Variants in NPY2R observed in about 807,000 individuals in gnomAD.
NPY2R encodes the protein neuropeptide Y receptor Y2.
NPY2R carries 17 observed loss-of-function variants against 22.3 expected under a neutral mutation model. The ratio of observed to expected loss-of-function variants is 0.76; its 90% confidence interval spans 0.52 to 1.14. NPY2R has a LOEUF of 1.14. NPY2R is among the 50% of genes most tolerant of loss of function. The pLI is 0.00. For synonymous variants in NPY2R, 209 were observed against 183.4 expected (o/e 1.14, Z -1.13); for missense variants, 424 against 467.9 (o/e 0.91, Z 0.87).
chr4:155,188,958 A>T, the NPY2R span, among the ~76,000 whole-genome samples: 2 of 152,144 alleles, frequency 1.3e-5, no homozygotes, highest in South Asian at 4.1e-4. Flanking sequence ...TAAATAACTA[A>T]TAAGAGAACT....
upstream of NPY2R, among the ~76,000 whole-genome samples, chr4:155,205,081 T>A (rs982004319): frequency 5.3e-5 from 8 of 152,348 alleles, no homozygotes; most frequent in African/African-American, 1.9e-4. Flanking sequence ...CAAACTGTGC[T>A]GTTCAAGGGT....
chr4:155,185,923 C>G, the NPY2R span, among the ~76,000 whole-genome samples: 1 of 151,622 alleles, frequency 6.6e-6, no homozygotes. Flanking sequence ...TGTCAGTAAT[C>G]AAGGACATGA....
intron 1 of NPY2R, among the ~76,000 whole-genome samples, chr4:155,213,177 G>A (rs539784400): frequency 2.6e-5 from 4 of 152,172 alleles, no homozygotes; most frequent in African/African-American, 9.6e-5. Flanking sequence ...TACATATTGG[G>A]TACAAGGTAC....
the NPY2R span, among the ~76,000 whole-genome samples, chr4:155,174,484 A>ATATATT: frequency 3.2e-4 from 34 of 106,070 alleles, no homozygotes; most frequent in South Asian, 1.3e-3. Context: ...ATATATATAT[A>ATATATT]TTTTTTTTTT....
At chr4:155,201,036 A>C in the NPY2R span, among the ~76,000 whole-genome samples, 1 of 136,562 alleles carries the variant, frequency 7.3e-6, no homozygotes, top group Admixed American at 7.4e-5. Context: ...AAAATAAAAT[A>C]AAATATAAAA....
chr4:155,215,128 G>C lies in NPY2R; in HGVS notation c.*43G>C, dbSNP rs897248611. On this transcript the variant is annotated 3_prime_UTR_variant, in exon 2 of 2. Coordinates refer to ENST00000329476, the MANE Select transcript of NPY2R (RefSeq NM_000910.4). ...AATGTATGGATGAATTCTGACCAGAGCTATGAATCTGGTTGATGGCGGCTC... is the reference window on the plus strand; with the variant it reads ...AATGTATGGATGAATTCTGACCAGACCTATGAATCTGGTTGATGGCGGCTC... 6 of 1,543,120 alleles carry C rather than the reference G, an allele frequency of 3.9e-6. No individual in the cohort carries two copies. The African/African-American group carries it at 6.8e-5, about 17-fold the overall frequency.
the NPY2R span, among the ~76,000 whole-genome samples, chr4:155,177,315 G>A: frequency 6.6e-6 from 1 of 152,138 alleles, no homozygotes; most frequent in East Asian, 1.9e-4. Context: ...AATACAAATA[G>A]CTAGGCAGAA....
Position 155,214,995 on chromosome 4 carries a change from G to A in NPY2R, c.1056G>A (p.Glu352=), listed in dbSNP as rs1436279301. ...CEQRLDAIHS[E]VSVTFKAKKN... The stretch of plus-strand genomic sequence containing the variant: ...AGCGGTTGGATGCCATTCACTCTGA[G>A]GTGTCCGTGACATTCAAGGCTAAAA... Residue 352 remains glutamate (E), a synonymous_variant, in exon 2 of 2, where the codon GAG becomes GAA. Transcript: ENST00000329476. The A allele has an allele frequency of 6.2e-7, 1 of 1,614,056 alleles. No homozygotes were observed. Among genetic ancestry groups the A allele is most frequent in the African/African-American group, 1.3e-5 (1 of 74,934 alleles).
At position 155,214,219 on chromosome 4, in the gene NPY2R, G is replaced by T; in HGVS notation, c.280G>T (p.Val94Leu). The T allele has an allele frequency of 6.2e-7, 1 of 1,614,126 alleles. No homozygotes were observed. The highest frequency in any genetic ancestry group is 8.5e-7 in the Non-Finnish European group (1 of 1,179,970). The change falls in exon 2 of 2, where the codon GTG becomes TTG. Residue 94 changes from valine (V) to leucine (L), a missense_variant. Val to Leu is a conservative substitution (Grantham distance 32). Coordinates refer to ENST00000329476, the MANE Select transcript of NPY2R (RefSeq NM_000910.4). ...CAACTTTTTCATTGCCAATCTGGCT[G>T]TGGCAGATCTTTTGGTGAACACTCT... is the stretch of plus-strand genomic sequence containing the variant. ...VTNFFIANLA[V>L]ADLLVNTLCL... is the part of the protein sequence containing the mutation.
the NPY2R span, among the ~76,000 whole-genome samples, chr4:155,185,570 A>T: frequency 6.6e-6 from 1 of 152,168 alleles, no homozygotes; most frequent in African/African-American, 2.4e-5. Context: ...GCATAAAAAA[A>T]CTAGTTATTT....
Position 155,214,028 on chromosome 4 carries a change from G to A in NPY2R, c.89G>A (p.Gly30Asp). ...EQYGPQTTPRGELVPDPEPEL... is the reference protein window; with the variant it reads ...EQYGPQTTPRDELVPDPEPEL... The stretch of plus-strand genomic sequence containing the variant: ...TACGGGCCACAAACAACTCCTAGAG[G>A]TGAACTGGTCCCTGACCCTGAGCCA... The change falls in exon 2 of 2, where the codon GGT becomes GAT. Residue 30 changes from glycine to aspartate, a missense_variant. Physicochemically the swap from Gly to Asp is moderately conservative, Grantham distance 94. Transcript: ENST00000329476. The A allele has an allele frequency of 6.2e-7, 1 of 1,614,044 alleles. No individual in the cohort carries two copies. Among genetic ancestry groups the A allele is most frequent in the Non-Finnish European group, 8.5e-7 (1 of 1,179,924 alleles).
the NPY2R span, among the ~76,000 whole-genome samples, chr4:155,186,131 T>G: frequency 2.0e-5 from 3 of 152,170 alleles, no homozygotes; most frequent in Non-Finnish European, 2.9e-5. Flanking sequence ...ATCCAAAGAT[T>G]ATTTATTAGT....
At chr4:155,185,666 T>C in the NPY2R span, among the ~76,000 whole-genome samples, 7 of 144,930 alleles carry the variant, frequency 4.8e-5, no homozygotes, top group African/African-American at 1.8e-4. Flanking sequence ...ATTAAAGAAA[T>C]GCATTTTTTT....
chr4:155,177,399 C>T, the NPY2R span, among the ~76,000 whole-genome samples: 1 of 152,150 alleles, frequency 6.6e-6, no homozygotes, highest in Non-Finnish European at 1.5e-5. Context: ...GAGTAAGTCC[C>T]CAACTCAACA....
intron 1 of NPY2R, among the ~76,000 whole-genome samples, chr4:155,212,972 T>C (rs894637395): frequency 6.6e-6 from 1 of 152,198 alleles, no homozygotes; most frequent in Non-Finnish European, 1.5e-5. Flanking sequence ...TGATATGATG[T>C]CTTTTGCAAC....
chr4:155,185,103 A>C, the NPY2R span, among the ~76,000 whole-genome samples: 1 of 150,806 alleles, frequency 6.6e-6, no homozygotes, highest in East Asian at 2.0e-4. Context: ...ACAGTGGCAC[A>C]ATCTTGGCTC....
intron 1 of NPY2R, among the ~76,000 whole-genome samples, chr4:155,210,676 G>T (rs1008401140): frequency 2.1e-4 from 32 of 152,174 alleles, no homozygotes; most frequent in African/African-American, 7.5e-4. Context: ...AGAGGCTGGG[G>T]CTCCTTGGAA....
intron 1 of NPY2R, among the ~76,000 whole-genome samples, chr4:155,211,616 G>A (rs1054928797): frequency 6.6e-6 from 1 of 152,168 alleles, no homozygotes; most frequent in East Asian, 1.9e-4. Context: ...AAGCATACAT[G>A]TATGTTATTA....
intron 1 of NPY2R, among the ~76,000 whole-genome samples, chr4:155,213,096 A>G (rs961950062): frequency 1.3e-5 from 2 of 152,162 alleles, no homozygotes; most frequent in Non-Finnish European, 2.9e-5. Context: ...ACAAAAGCAT[A>G]CAGAGTGGTA....
Sources: allele counts gnomAD v4.1 joint callset (sites outside exome capture counted in the v4.1 genomes callset), GRCh38; gene constraint gnomAD v4.1.1; transcripts MANE v1.5; gene names NCBI Gene and HGNC (gene_info 2026-07-23, HGNC 2026-07-21).